EPB41L4B: variants seen among roughly 807,000 people sequenced by gnomAD.
EPB41L4B encodes erythrocyte membrane protein band 4.1 like 4B, also known as band 4.1-like protein 4B.
Under a neutral mutation model 112.5 loss-of-function variants are expected in EPB41L4B, and 30 were observed. The observed-to-expected ratio is 0.27, with a 90% CI of 0.20 to 0.36. The LOEUF (loss-of-function observed/expected upper bound fraction) is 0.36, where lower values mean the gene tolerates loss of function less well. Among genes scored for constraint, EPB41L4B ranks in the 10% least tolerant of loss-of-function variants. EPB41L4B has a pLI of 1.00. For missense variants in EPB41L4B, 1,024 were observed against 1,133.3 expected, an observed-to-expected ratio of 0.90 and a Z score of 1.38; for synonymous variants, 408 against 439.7, an observed-to-expected ratio of 0.93 and a Z score of 0.90.
chr9:109,302,205 GTCTTTATCTAC>G (rs1836995996), intron 1 of EPB41L4B, among the ~76,000 whole-genome samples: 1 of 151,944 alleles, frequency 6.6e-6, no homozygotes. Context: ...CCCTGACTTA[GTCTTTATCTAC>G]CTGGAGCCTG....
At chr9:109,294,498 C>T (rs1454829481) in intron 1 of EPB41L4B, among the ~76,000 whole-genome samples, 2 of 151,920 alleles carry the variant, frequency 1.3e-5, no homozygotes, top group Non-Finnish European at 2.9e-5. Flanking sequence ...CCGGTAGTCT[C>T]AGCTACTCAG....
chr9:109,291,146 T>C (rs1422684724), intron 1 of EPB41L4B, among the ~76,000 whole-genome samples: 1 of 152,210 alleles, frequency 6.6e-6, no homozygotes, highest in Non-Finnish European at 1.5e-5. Context: ...CATCAGTTCA[T>C]ACCGCTTATA....
At chr9:109,179,339 G>GA (rs1391362372) in intron 24 of EPB41L4B, among the ~76,000 whole-genome samples, 1 of 152,198 alleles carries the variant, frequency 6.6e-6, no homozygotes, top group Non-Finnish European at 1.5e-5. Flanking sequence ...CTGTCGCCAG[G>GA]ATAGGTCTGG....
chr9:109,287,158 C>A (rs1836319613), intron 1 of EPB41L4B, among the ~76,000 whole-genome samples: 1 of 152,176 alleles, frequency 6.6e-6, no homozygotes, highest in African/African-American at 2.4e-5. Flanking sequence ...GCCAGCAGGA[C>A]AAGGGATGGA....
intron 1 of EPB41L4B, among the ~76,000 whole-genome samples, chr9:109,311,033 G>C (rs186732002): frequency 2.6e-5 from 4 of 152,258 alleles, no homozygotes; most frequent in African/African-American, 4.8e-5. Flanking sequence ...CCGGGGTTTG[G>C]GGGGAGTGAA....
chr9:109,241,324 A>C, intron 15 of EPB41L4B: 2 of 1,044,352 alleles, frequency 1.9e-6, no homozygotes, highest in Non-Finnish European at 2.3e-6. Flanking sequence ...AATCTTCCCA[A>C]GCTCTTCTGG....
chr9:109,185,214 G>C (rs1832210564), intron 23 of EPB41L4B, among the ~76,000 whole-genome samples: 1 of 152,174 alleles, frequency 6.6e-6, no homozygotes. Flanking sequence ...TTTCTCTCTG[G>C]GGAAAGCATC....
intron 5 of EPB41L4B, 147 bp from the exon 6 acceptor site, chr9:109,263,249 T>C (rs970932464): frequency 2.6e-5 from 16 of 610,002 alleles, no homozygotes; most frequent in African/African-American, 1.1e-4. Flanking sequence ...CATTAAAGAA[T>C]GCAACAAGCG....
chr9:109,289,357 A>G (rs1357447705), intron 1 of EPB41L4B, among the ~76,000 whole-genome samples: 2 of 151,994 alleles, frequency 1.3e-5, no homozygotes, highest in Admixed American at 1.3e-4. Flanking sequence ...CCGCACCCCC[A>G]TTCCTTTCTC....
chr9:109,282,154 C>T (rs746730309), intron 1 of EPB41L4B, among the ~76,000 whole-genome samples: 10 of 152,202 alleles, frequency 6.6e-5, no homozygotes, highest in Non-Finnish European at 1.5e-4. Context: ...AGCCACCACA[C>T]ATCATATGAT....
At chr9:109,262,984 A>G (rs1258246201) in intron 6 of EPB41L4B, 66 bp downstream of exon 6, 4 of 1,104,300 alleles carry the variant, frequency 3.6e-6, no homozygotes, top group Non-Finnish European at 5.4e-6. Context: ...TATACTGTGG[A>G]CACTCATTTG....
chr9:109,239,066 T>G (rs1461009660), intron 15 of EPB41L4B, among the ~76,000 whole-genome samples: 5 of 152,124 alleles, frequency 3.3e-5, no homozygotes. Flanking sequence ...ATCACTCTAG[T>G]GACTGGGAGG....
intron 24 of EPB41L4B, among the ~76,000 whole-genome samples, chr9:109,179,441 T>C (rs144456135): frequency 5.4e-4 from 82 of 152,210 alleles, no homozygotes; most frequent in African/African-American, 1.8e-3. Flanking sequence ...GGTGAGAAAA[T>C]TGAGAAGCTG....
intron 2 of EPB41L4B, among the ~76,000 whole-genome samples, chr9:109,277,328 A>AAG (rs1835870304): frequency 6.6e-6 from 1 of 151,674 alleles, no homozygotes; most frequent in East Asian, 1.9e-4. Flanking sequence ...AAAAAAAAAA[A>AAG]AAAAAGATGG....
chr9:109,314,294 C>G (rs939630294), intron 1 of EPB41L4B, among the ~76,000 whole-genome samples: 3 of 152,178 alleles, frequency 2.0e-5, no homozygotes, highest in African/African-American at 4.8e-5. Context: ...TTTCTAAGTC[C>G]CCACGCAAGA....
chr9:109,202,097 A>G (rs190225890), intron 19 of EPB41L4B, among the ~76,000 whole-genome samples: 1 of 152,212 alleles, frequency 6.6e-6, no homozygotes, highest in African/African-American at 2.4e-5. Context: ...TAGATGAGGG[A>G]ATAAGGTAGG....
chr9:109,213,893 C>A, intron 16 of EPB41L4B, 75 bp from the exon 17 acceptor site: 1 of 1,346,958 alleles, frequency 7.4e-7, no homozygotes, highest in Non-Finnish European at 1.1e-6. Context: ...GGGACACTTG[C>A]CAGCGCCCGA....
At chr9:109,201,685 C>A (rs564718734) in intron 19 of EPB41L4B, among the ~76,000 whole-genome samples, 3 of 151,866 alleles carry the variant, frequency 2.0e-5, no homozygotes, top group Non-Finnish European at 2.9e-5. Context: ...CCAGATGGAG[C>A]GAAGACCACA....
intron 22 of EPB41L4B, among the ~76,000 whole-genome samples, chr9:109,191,600 T>C (rs1380880458): frequency 6.6e-6 from 1 of 152,222 alleles, no homozygotes; most frequent in East Asian, 1.9e-4. Flanking sequence ...CTCAGCCTGT[T>C]CAGTTCAAAC....
Sources: gnomAD v4.1 joint callset for allele counts (sites outside exome capture counted in the v4.1 genomes callset) on GRCh38, gnomAD v4.1.1 for gene constraint, MANE v1.5 for transcripts, NCBI Gene and HGNC (gene_info 2026-07-23, HGNC 2026-07-21) for gene names.